Variants in OSBPL9 observed in about 807,000 individuals in gnomAD.
OSBPL9 encodes the protein oxysterol binding protein like 9.
In OSBPL9, 40 loss-of-function variants were observed where a neutral mutation model predicts 106.6. That is an observed-to-expected ratio of 0.38 (90% CI 0.29 to 0.49). The LOEUF is 0.49. Ranked by LOEUF, OSBPL9 falls within the 20% of genes least tolerant of loss-of-function variation. The probability of loss-of-function intolerance (pLI) is 0.97; values close to 1 mark genes in which losing one functional copy is unlikely to be tolerated. For synonymous variants in OSBPL9, 269 were observed against 295.4 expected (o/e 0.91, Z 0.92); for missense variants, 609 against 887.2 (o/e 0.69, Z 3.98).
intron 3 of OSBPL9, among the ~76,000 whole-genome samples, chr1:51,690,866 G>A (rs1022943633): frequency 2.6e-5 from 4 of 152,288 alleles, no homozygotes; most frequent in African/African-American, 9.6e-5. Flanking sequence ...ATCACAGTGT[G>A]TACTTACACA....
chr1:51,703,485 T>C (rs1044205209), intron 3 of OSBPL9, among the ~76,000 whole-genome samples: 3 of 152,264 alleles, frequency 2.0e-5, no homozygotes, highest in African/African-American at 4.8e-5. Context: ...TTTTTGCACA[T>C]TGATTTTGTA....
chr1:51,611,707 C>T (rs1168070556), intron 2 of OSBPL9, among the ~76,000 whole-genome samples: 1 of 152,202 alleles, frequency 6.6e-6, no homozygotes, highest in African/African-American at 2.4e-5. Flanking sequence ...CACAGTGGCT[C>T]ACACCTGTAA....
chr1:51,787,198 T>TAAGGGCA (rs775104947), intron 22 of OSBPL9, among the ~76,000 whole-genome samples, 155 bp from the exon 23 acceptor site: 3 of 152,208 alleles, frequency 2.0e-5, no homozygotes, highest in Non-Finnish European at 4.4e-5. Flanking sequence ...AGCCCATATG[T>TAAGGGCA]CTGTTCCTTA....
At chr1:51,605,964 CAAAAG>C (rs1643945253) in intron 2 of OSBPL9, among the ~76,000 whole-genome samples, 1 of 144,622 alleles carries the variant, frequency 6.9e-6, no homozygotes, top group East Asian at 2.0e-4. Flanking sequence ...GACTCCGTCT[CAAAAG>C]AAAGAAACAA....
Position 51,788,152 on chromosome 1 carries a change from G to A in OSBPL9, c.*363G>A. On this transcript the variant is annotated 3_prime_UTR_variant, in exon 24 of 24. Coordinates refer to ENST00000428468, the MANE Select transcript of OSBPL9 (RefSeq NM_024586.6). ...TTGTTTCTTAGTTCATATAATCTCG[G>A]GATACACACACACACACACATATAT... The A allele has an allele frequency of 4.2e-6, 1 of 237,376 alleles. No homozygotes were observed. 14.7% of individuals were successfully genotyped at this position (237,376 alleles called of 1,614,324 possible).
intron 3 of OSBPL9, among the ~76,000 whole-genome samples, chr1:51,705,278 C>T (rs1260205705): frequency 6.8e-6 from 1 of 147,958 alleles, no homozygotes; most frequent in Non-Finnish European, 1.5e-5. Context: ...GGGCTGCAGG[C>T]GTGTGCTGCT....
At chr1:51,693,868 C>T (rs577268929) in intron 3 of OSBPL9, among the ~76,000 whole-genome samples, 2 of 152,324 alleles carry the variant, frequency 1.3e-5, no homozygotes, top group Admixed American at 1.3e-4. Context: ...TATTCAGCAT[C>T]CATGCTGCTA....
intron 1 of OSBPL9, among the ~76,000 whole-genome samples, chr1:51,648,918 A>C (rs1646334285): frequency 6.6e-6 from 1 of 152,118 alleles, no homozygotes; most frequent in Admixed American, 6.6e-5. Context: ...CCCTTTCTCC[A>C]AGTCCTCTTA....
the OSBPL9 span, among the ~76,000 whole-genome samples, chr1:51,532,418 T>G: frequency 6.6e-6 from 1 of 152,054 alleles, no homozygotes; most frequent in Non-Finnish European, 1.5e-5. Context: ...CGAAGAGGGC[T>G]GAGTATGTGG....
At chr1:51,571,773 G>A in the OSBPL9 span, among the ~76,000 whole-genome samples, 2 of 152,278 alleles carry the variant, frequency 1.3e-5, no homozygotes, top group African/African-American at 2.4e-5. Flanking sequence ...TGTGCACAAG[G>A]CAAAGAGCAC....
intron 3 of OSBPL9, among the ~76,000 whole-genome samples, chr1:51,670,849 T>C (rs991480861): frequency 5.9e-5 from 9 of 152,240 alleles, no homozygotes; most frequent in Non-Finnish European, 7.3e-5. Context: ...TGGAACTCTT[T>C]ACTTGAATGA....
the OSBPL9 span, among the ~76,000 whole-genome samples, chr1:51,523,900 A>G: frequency 1.3e-5 from 2 of 152,190 alleles, no homozygotes; most frequent in African/African-American, 4.8e-5. Context: ...GTCAGCATCT[A>G]GAAAGTTGAG....
At chr1:51,530,188 A>AAAAAAAAAAAAAAAAC in the OSBPL9 span, among the ~76,000 whole-genome samples, 7 of 95,374 alleles carry the variant, frequency 7.3e-5, no homozygotes, top group African/African-American at 3.6e-4. Flanking sequence ...AAAAAAAAAA[A>AAAAAAAAAAAAAAAAC]AAAACAAAAA....
chr1:51,538,261 C>T, the OSBPL9 span, among the ~76,000 whole-genome samples: 3 of 152,056 alleles, frequency 2.0e-5, no homozygotes, highest in African/African-American at 7.2e-5. Flanking sequence ...CACTGCACTC[C>T]AGCCTGGGCA....
the OSBPL9 span, among the ~76,000 whole-genome samples, chr1:51,535,010 C>A: frequency 0.011 from 1,706 of 152,324 alleles, 33 homozygotes; most frequent in African/African-American, 0.038. Context: ...ACTCCTCAAC[C>A]CCCTGTTATA....
intron 2 of OSBPL9, among the ~76,000 whole-genome samples, chr1:51,601,793 A>G (rs1282071357): frequency 2.6e-5 from 4 of 152,210 alleles, no homozygotes; most frequent in African/African-American, 9.6e-5. Context: ...CCAATTAAGT[A>G]CAAGCACTTT....
the OSBPL9 span, among the ~76,000 whole-genome samples, chr1:51,544,764 T>C: frequency 1.3e-5 from 2 of 151,368 alleles, no homozygotes; most frequent in African/African-American, 4.9e-5. Context: ...TAACATTAAA[T>C]GTAAAAAAGT....
At chr1:51,619,091 T>C (rs1459255939) in intron 1 of OSBPL9, among the ~76,000 whole-genome samples, 2 of 152,232 alleles carry the variant, frequency 1.3e-5, no homozygotes, top group African/African-American at 4.8e-5. Flanking sequence ...CTGAATATTA[T>C]GTCCTGAAAA....
At chr1:51,554,779 A>G in the OSBPL9 span, among the ~76,000 whole-genome samples, 4 of 152,218 alleles carry the variant, frequency 2.6e-5, no homozygotes, top group Non-Finnish European at 1.5e-5. Flanking sequence ...ATCATTTGTA[A>G]GAAGGAAATT....
Sources: gnomAD v4.1 joint callset for allele counts (sites outside exome capture counted in the v4.1 genomes callset) on GRCh38, gnomAD v4.1.1 for gene constraint, MANE v1.5 for transcripts, NCBI Gene and HGNC (gene_info 2026-07-23, HGNC 2026-07-21) for gene names.